Variants in COMMD6 observed in about 807,000 individuals in gnomAD.
COMMD6 encodes the protein COMM domain-containing protein 6.
COMMD6 carries 11 observed loss-of-function variants against 13.4 expected under a neutral mutation model. The observed-to-expected ratio is 0.82, with a 90% CI of 0.52 to 1.36. The LOEUF is 1.36. Among genes scored for constraint, COMMD6 ranks in the 40% most tolerant of loss-of-function variants. The probability of loss-of-function intolerance (pLI) is 0.00; values close to 1 mark genes in which losing one functional copy is unlikely to be tolerated. For missense variants in COMMD6, 124 were observed against 102.4 expected (o/e 1.21, Z -0.91); for synonymous variants, 43 against 36.5 (o/e 1.18, Z -0.64).
chr13:75,527,963 T>G (rs1483656681), intron 3 of COMMD6: 1 of 1,252,662 alleles, frequency 8.0e-7, no homozygotes, highest in Non-Finnish European at 1.0e-6. Context: ...TGTTATTGTT[T>G]ACTTGAAATT....
At chr13:75,549,419 G>T in exon 1 of COMMD6, 1 of 218,736 alleles carries the variant, frequency 4.6e-6, no homozygotes, top group Non-Finnish European at 8.9e-6. Flanking sequence ...TCCTAGCGCA[G>T]TCGGTTGACA....
At chr13:75,539,126 T>TC (rs1199037035), upstream of COMMD6, among the ~76,000 whole-genome samples, 1 of 152,174 alleles carries the variant, frequency 6.6e-6, no homozygotes. Flanking sequence ...TCTCTCCTGT[T>TC]CCTGTTCCTT....
intron 3 of COMMD6, among the ~76,000 whole-genome samples, chr13:75,527,591 T>C (rs553759596): frequency 3.0e-4 from 46 of 152,294 alleles, no homozygotes; most frequent in African/African-American, 1.1e-3. Flanking sequence ...TATATTTATA[T>C]TTAATATGAT....
chr13:75,531,763 G>T (rs138335791), intron 2 of COMMD6, among the ~76,000 whole-genome samples: 6 of 152,182 alleles, frequency 3.9e-5, no homozygotes, highest in African/African-American at 1.4e-4. Flanking sequence ...TGCTGTTGGT[G>T]AAAGTGTAAA....
At chr13:75,530,640 T>C (rs555106359) in intron 2 of COMMD6, 3 of 164,710 alleles carry the variant, frequency 1.8e-5, no homozygotes, top group African/African-American at 7.2e-5. Context: ...CATTAGCATG[T>C]ATAGTGATAA....
At position 75,525,999 on chromosome 13, in the gene COMMD6, A is replaced by C. The variant is rs1400634552; in HGVS notation, c.*590T>G. The stretch of plus-strand genomic sequence containing the variant: ...CTCGTCTTTCCAACTCTGCGTATGT[A>C]TTTGAACTTTCTACAACCATTAATA... On this transcript the variant is annotated 3_prime_UTR_variant, in exon 4 of 4. Transcript: ENST00000682242. The C allele has an allele frequency of 6.6e-6, 1 of 152,246 alleles. No individual in the cohort carries two copies. Among genetic ancestry groups the C allele is most frequent in the Non-Finnish European group, 1.5e-5 (1 of 68,052 alleles). The allele number at this position is 152,246 out of a possible 1,614,324, so 9.4% of individuals were successfully genotyped here.
intron 3 of COMMD6, among the ~76,000 whole-genome samples, chr13:75,527,093 G>A (rs2030290453): frequency 6.6e-6 from 1 of 152,166 alleles, no homozygotes; most frequent in Non-Finnish European, 1.5e-5. Flanking sequence ...TATGGTAGAA[G>A]TTTATTTCTC....
chr13:75,530,020 C>A (rs2030412835), intron 3 of COMMD6, 94 bp downstream of exon 3: 1 of 962,610 alleles, frequency 1.0e-6, no homozygotes, highest in South Asian at 1.6e-5. Context: ...CAAATAAAAA[C>A]CATTAAAGTT....
intron 2 of COMMD6, among the ~76,000 whole-genome samples, chr13:75,533,433 T>C (rs1329378285): frequency 1.3e-5 from 2 of 151,774 alleles, no homozygotes; most frequent in Non-Finnish European, 2.9e-5. Context: ...CCAGGTGTGG[T>C]AGGGCATGCC....
chr13:75,537,788 C>G lies in COMMD6; in HGVS notation c.18G>C (p.Glu6Asp). The G allele has an allele frequency of 6.2e-7, 1 of 1,610,918 alleles. No individual in the cohort carries two copies. Among genetic ancestry groups the G allele is most frequent in the Non-Finnish European group, 8.5e-7 (1 of 1,177,764 alleles). Reference sequence around the variant, plus strand: ...CATCGGACTTAGCATCCAGCGGCGGCTCGCTGGACGCCTCCATGGGCAGCG... The same window carrying G: ...CATCGGACTTAGCATCCAGCGGCGGGTCGCTGGACGCCTCCATGGGCAGCG... MEASS[E>D]PPLDAKSDVT... Residue 6 changes from glutamate to aspartate, a missense_variant, in exon 1 of 4, where the codon GAG (glutamate) becomes GAC (aspartate). Coordinates refer to ENST00000682242, the MANE Select transcript of COMMD6 (RefSeq NM_203495.4).
At chr13:75,533,731 T>G (rs1234371566) in intron 2 of COMMD6, among the ~76,000 whole-genome samples, 1 of 152,148 alleles carries the variant, frequency 6.6e-6, no homozygotes. Context: ...GATGATTGCC[T>G]ACAAGATACA....
intron 1 of COMMD6, among the ~76,000 whole-genome samples, chr13:75,548,396 C>G (rs1329399570): frequency 1.3e-5 from 2 of 152,166 alleles, no homozygotes; most frequent in Non-Finnish European, 2.9e-5. Context: ...GGAAGTTTCC[C>G]AAGAAATATA....
rs547445480 is a variant in COMMD6, at chr13:75,537,754, T to G, written c.42+10A>C. On this transcript the variant is annotated intron_variant, in intron 1 of 3. Transcript: ENST00000682242. ...CTCGCTGCCCACTCTCCTTCCAGGT[T>G]GGAACTCACATCGGACTTAGCATCC... is the stretch of plus-strand genomic sequence containing the variant. 6.2e-6 allele frequency: 10 copies of G among 1,613,658 alleles called. No homozygotes were observed. The highest frequency in any genetic ancestry group is 3.3e-5 in the Admixed American group (2 of 59,970).
intron 2 of COMMD6, among the ~76,000 whole-genome samples, chr13:75,534,602 G>A (rs186788323): frequency 7.5e-4 from 114 of 152,050 alleles, no homozygotes; most frequent in African/African-American, 1.5e-3. Flanking sequence ...AACAATGTGC[G>A]GTAGCCCCAA....
At chr13:75,542,353 G>A (rs936039953), upstream of COMMD6, among the ~76,000 whole-genome samples, 1 of 148,882 alleles carries the variant, frequency 6.7e-6, no homozygotes, top group East Asian at 2.0e-4. Context: ...GCAATGGTGC[G>A]TTCTCAGCTT....
At chr13:75,534,877 G>C (rs1042707183) in intron 2 of COMMD6, among the ~76,000 whole-genome samples, 6 of 152,188 alleles carry the variant, frequency 3.9e-5, no homozygotes, top group African/African-American at 1.4e-4. Flanking sequence ...TTTTGAGTAA[G>C]AGAGGGAGGC....
intron 3 of COMMD6, among the ~76,000 whole-genome samples, chr13:75,529,249 G>A (rs574626293): frequency 3.0e-4 from 46 of 152,242 alleles, no homozygotes; most frequent in Admixed American, 9.8e-4. Context: ...GGCCGGGCCC[G>A]GTGGCTCACG....
chr13:75,540,932 G>A (rs892521065), upstream of COMMD6, among the ~76,000 whole-genome samples: 1 of 152,158 alleles, frequency 6.6e-6, no homozygotes, highest in Non-Finnish European at 1.5e-5. Flanking sequence ...TTCAATTTAA[G>A]TATTTATTTT....
At chr13:75,538,161 A>G (rs930852435), upstream of COMMD6, among the ~76,000 whole-genome samples, 4 of 152,190 alleles carry the variant, frequency 2.6e-5, no homozygotes, top group East Asian at 1.9e-4. Context: ...CTCAATCCCA[A>G]CCAAATTCGG....
Sources: allele counts gnomAD v4.1 joint callset (sites outside exome capture counted in the v4.1 genomes callset), GRCh38; gene constraint gnomAD v4.1.1; transcripts MANE v1.5; gene names NCBI Gene and HGNC (gene_info 2026-07-23, HGNC 2026-07-21).